Variants in RBMS3 observed in about 807,000 individuals in gnomAD.
RBMS3 encodes the protein RNA-binding motif, single-stranded-interacting protein 3.
Under a neutral mutation model 66.8 loss-of-function variants are expected in RBMS3, and 27 were observed. The observed-to-expected ratio is 0.40, with a 90% CI of 0.30 to 0.56. The LOEUF (loss-of-function observed/expected upper bound fraction) is 0.56, where lower values mean the gene tolerates loss of function less well. Among genes scored for constraint, RBMS3 ranks in the 20% least tolerant of loss-of-function variants. RBMS3 has a pLI of 0.40. For missense variants in RBMS3, 513 were observed against 549.5 expected (o/e 0.93, Z 0.66); for synonymous variants, 188 against 183.0 (o/e 1.03, Z -0.22).
intron 4 of RBMS3, among the ~76,000 whole-genome samples, chr3:29,739,103 G>T (rs2054506484): frequency 6.6e-6 from 1 of 152,196 alleles, no homozygotes; most frequent in African/African-American, 2.4e-5. Context: ...CATAGAAGTA[G>T]TGGTTAATGG....
chr3:29,714,577 T>C (rs2149311554), intron 4 of RBMS3, among the ~76,000 whole-genome samples: 1 of 152,260 alleles, frequency 6.6e-6, no homozygotes. Flanking sequence ...GGATCACAGG[T>C]AGGAGAAGGA....
intron 3 of RBMS3, among the ~76,000 whole-genome samples, chr3:29,518,601 C>A (rs1189513102): frequency 6.6e-6 from 1 of 152,182 alleles, no homozygotes; most frequent in Non-Finnish European, 1.5e-5. Flanking sequence ...TCTCTTTTCA[C>A]CTTGGCAGGA....
intron 11 of RBMS3, among the ~76,000 whole-genome samples, chr3:29,937,476 C>T (rs1271904937): frequency 6.6e-6 from 1 of 151,988 alleles, no homozygotes; most frequent in African/African-American, 2.4e-5. Context: ...CCACTGAGAA[C>T]TCACTAATCT....
At chr3:29,840,017 C>T (rs2149501307) in intron 6 of RBMS3, among the ~76,000 whole-genome samples, 1 of 152,060 alleles carries the variant, frequency 6.6e-6, no homozygotes, top group Middle Eastern at 3.4e-3. Context: ...TCTATAGTTT[C>T]CATTTGTCTG....
At chr3:29,379,733 G>A (rs1264519465) in intron 1 of RBMS3, among the ~76,000 whole-genome samples, 2 of 152,190 alleles carry the variant, frequency 1.3e-5, no homozygotes, top group Non-Finnish European at 2.9e-5. Flanking sequence ...CTCATTGACT[G>A]AACGTATTTG....
At chr3:29,834,665 G>A (rs993365619) in intron 6 of RBMS3, among the ~76,000 whole-genome samples, 7 of 151,988 alleles carry the variant, frequency 4.6e-5, no homozygotes, top group African/African-American at 9.6e-5. Flanking sequence ...AAATCAAAGC[G>A]TACCACTATA....
At position 29,281,522 on chromosome 3, in the gene RBMS3, T is replaced by G. The variant is rs930939172; in HGVS notation, c.-160T>G. The G allele has an allele frequency of 2.4e-5, 15 of 615,594 alleles. 1 individual carries two copies. The highest frequency in any genetic ancestry group is 4.3e-5 in the Non-Finnish European group (15 of 347,920). 38.1% of individuals were successfully genotyped at this position (615,594 alleles called of 1,614,324 possible). A position where few individuals can be genotyped will look rare whatever the true frequency, so the allele number is the denominator to read the frequency against. ...GTGTTTTTTGTTTTGTTTTGTTTTT[T>G]AAAAAAATTCTTGCTGTGTTGGAAC... On this transcript the variant is annotated 5_prime_UTR_variant, in exon 1 of 15. Transcript: ENST00000383767.
chr3:29,623,268 C>T (rs528255165), intron 4 of RBMS3, among the ~76,000 whole-genome samples: 67 of 151,358 alleles, frequency 4.4e-4, no homozygotes, highest in Middle Eastern at 6.8e-3. Flanking sequence ...AAATATACGC[C>T]GAGTACTAGG....
intron 2 of RBMS3, among the ~76,000 whole-genome samples, chr3:29,474,115 T>C (rs2042863680): frequency 6.6e-6 from 1 of 152,276 alleles, no homozygotes; most frequent in Non-Finnish European, 1.5e-5. Context: ...TTCTAATTTT[T>C]CATCTCTGCC....
At chr3:29,938,107 A>T (rs141176914) in intron 11 of RBMS3, among the ~76,000 whole-genome samples, 1,909 of 152,082 alleles carry the variant, frequency 0.013, 16 homozygotes, top group Non-Finnish European at 0.021. Flanking sequence ...GAAATATAAG[A>T]GCTAGTTAAC....
chr3:30,003,125 A>G (rs1699683221), intron 14 of RBMS3, among the ~76,000 whole-genome samples: 1 of 152,032 alleles, frequency 6.6e-6, no homozygotes, highest in Non-Finnish European at 1.5e-5. Context: ...TTATTTTACA[A>G]ACTTCTAATC....
In RBMS3 at chr3:30,009,333, T is replaced by C. The variant is rs1699893277; in HGVS notation, c.*5471T>C. 6.6e-6 allele frequency: 1 copy of C among 152,166 alleles called. No homozygotes were observed. Among genetic ancestry groups the C allele is most frequent in the African/African-American group, 2.4e-5 (1 of 41,444 alleles). The allele number at this position is 152,166 out of a possible 1,614,324, so 9.4% of individuals were successfully genotyped here. On this transcript the variant is annotated 3_prime_UTR_variant, in exon 15 of 15. Transcript: ENST00000383767. ...TGAGGGTGGAACAAACAATTGGAAATAAAATTTGATTATTTTATTTCTTAT... is the reference window on the plus strand; with the variant it reads ...TGAGGGTGGAACAAACAATTGGAAACAAAATTTGATTATTTTATTTCTTAT...
At chr3:29,503,219 A>T (rs1362080186) in intron 3 of RBMS3, among the ~76,000 whole-genome samples, 2 of 151,900 alleles carry the variant, frequency 1.3e-5, no homozygotes, top group Non-Finnish European at 2.9e-5. Flanking sequence ...AAACATCCAA[A>T]CGCCTGCTAA....
At chr3:29,843,304 A>G (rs964332105) in intron 6 of RBMS3, among the ~76,000 whole-genome samples, 2 of 152,222 alleles carry the variant, frequency 1.3e-5, no homozygotes, top group Admixed American at 6.5e-5. Flanking sequence ...CTTGATCCTT[A>G]TAGAACTTAA....
chr3:29,692,287 A>G (rs1182376407), intron 4 of RBMS3, among the ~76,000 whole-genome samples: 2 of 151,812 alleles, frequency 1.3e-5, no homozygotes, highest in Non-Finnish European at 2.9e-5. Context: ...CGACCTCTAT[A>G]TTTTTTAAAT....
intron 6 of RBMS3, among the ~76,000 whole-genome samples, chr3:29,816,585 C>G (rs2057910793): frequency 6.6e-6 from 1 of 152,066 alleles, no homozygotes; most frequent in African/African-American, 2.4e-5. Context: ...TCAATGCAGC[C>G]AAGCCCAGAA....
intron 6 of RBMS3, among the ~76,000 whole-genome samples, chr3:29,865,705 C>G (rs1201646750): frequency 6.6e-6 from 1 of 152,170 alleles, no homozygotes; most frequent in Non-Finnish European, 1.5e-5. Flanking sequence ...CAAGTTCGAT[C>G]TCATGCCATA....
intron 6 of RBMS3, among the ~76,000 whole-genome samples, chr3:29,835,705 T>A (rs2058487749): frequency 6.6e-6 from 1 of 151,858 alleles, no homozygotes; most frequent in African/African-American, 2.4e-5. Flanking sequence ...AACCTAACTT[T>A]ACATTTCAAT....
intron 1 of RBMS3, among the ~76,000 whole-genome samples, chr3:29,394,289 G>T (rs141528633): frequency 6.6e-6 from 1 of 152,138 alleles, no homozygotes; most frequent in Non-Finnish European, 1.5e-5. Context: ...GCCCCACCCC[G>T]CAGGCAGTCA....
Sources: gnomAD v4.1 joint callset for allele counts (sites outside exome capture counted in the v4.1 genomes callset) on GRCh38, gnomAD v4.1.1 for gene constraint, MANE v1.5 for transcripts, NCBI Gene and HGNC (gene_info 2026-07-23, HGNC 2026-07-21) for gene names.